AIG1: variants seen among roughly 807,000 people sequenced by gnomAD.
The protein encoded by AIG1 is androgen induced 1, also known as androgen-induced gene 1 protein.
AIG1 carries 23 observed loss-of-function variants against 31.4 expected under a neutral mutation model. That is an observed-to-expected ratio of 0.73 (90% confidence interval 0.53 to 1.04). AIG1 has a LOEUF of 1.04. AIG1 is among the 50% of genes least tolerant of loss of function. The pLI is 0.00. For synonymous variants in AIG1, 100 were observed against 110.5 expected, an observed-to-expected ratio of 0.90 and a Z score of 0.60; for missense variants, 274 against 295.0, an observed-to-expected ratio of 0.93 and a Z score of 0.52.
intron 3 of AIG1, among the ~76,000 whole-genome samples, chr6:143,219,807 A>C (rs1464355149): frequency 6.6e-6 from 1 of 152,316 alleles, no homozygotes; most frequent in Middle Eastern, 3.4e-3. Context: ...AGGTTAGATT[A>C]GCAGAGTAGC....
intron 3 of AIG1, among the ~76,000 whole-genome samples, chr6:143,255,826 A>G (rs375452582): frequency 2.0e-5 from 3 of 152,336 alleles, no homozygotes; most frequent in Admixed American, 2.0e-4. Context: ...GTGATGTTAT[A>G]TGCTAATCCT....
intron 1 of AIG1, among the ~76,000 whole-genome samples, chr6:143,098,084 T>C (rs1779951773): frequency 2.6e-5 from 4 of 152,166 alleles, no homozygotes; most frequent in Admixed American, 2.0e-4. Context: ...AAAATAAAAT[T>C]TGTCTTTGTC....
chr6:143,063,082 A>G (rs1286540532), intron 1 of AIG1, among the ~76,000 whole-genome samples: 7 of 152,218 alleles, frequency 4.6e-5, no homozygotes, highest in Non-Finnish European at 1.0e-4. Flanking sequence ...CATAATTAGC[A>G]TTGCTTACTG....
At chr6:143,310,636 A>T (rs989022808) in intron 4 of AIG1, among the ~76,000 whole-genome samples, 27 of 148,024 alleles carry the variant, frequency 1.8e-4, no homozygotes, top group East Asian at 6.5e-4. Flanking sequence ...AATAAAATTT[A>T]AAAAAAAACA....
At chr6:143,222,416 A>G (rs564191133) in intron 3 of AIG1, among the ~76,000 whole-genome samples, 1 of 151,658 alleles carries the variant, frequency 6.6e-6, no homozygotes, top group South Asian at 2.1e-4. Flanking sequence ...TTGTTGTTTT[A>G]TGTCAATTCG....
intron 1 of AIG1, among the ~76,000 whole-genome samples, chr6:143,132,068 T>A (rs1410386559): frequency 6.6e-6 from 1 of 152,252 alleles, no homozygotes; most frequent in Non-Finnish European, 1.5e-5. Flanking sequence ...TTGTCCTTGG[T>A]GCTGTTGTTA....
intron 3 of AIG1, among the ~76,000 whole-genome samples, chr6:143,222,393 T>G (rs1381988128): frequency 6.6e-6 from 1 of 151,806 alleles, no homozygotes; most frequent in African/African-American, 2.4e-5. Flanking sequence ...ATCTGGTTTT[T>G]TTTTTGTTGT....
chr6:143,161,865 C>A (rs1240152742), intron 2 of AIG1, among the ~76,000 whole-genome samples: 1 of 152,012 alleles, frequency 6.6e-6, no homozygotes, highest in Non-Finnish European at 1.5e-5. Flanking sequence ...GAAAGACTGA[C>A]CACTTTCCCT....
chr6:143,106,712 C>CT (rs1480720608), intron 1 of AIG1, among the ~76,000 whole-genome samples: 1 of 152,178 alleles, frequency 6.6e-6, no homozygotes, highest in Non-Finnish European at 1.5e-5. Flanking sequence ...TTTGGGGTGA[C>CT]TTCCCTGTGT....
At chr6:143,171,326 A>C (rs962061161) in intron 3 of AIG1, among the ~76,000 whole-genome samples, 4 of 148,442 alleles carry the variant, frequency 2.7e-5, no homozygotes, top group Non-Finnish European at 5.9e-5. Flanking sequence ...TTCACTTAGA[A>C]TGATGGTTTC....
At chr6:143,270,150 G>T (rs1562542566) in intron 3 of AIG1, among the ~76,000 whole-genome samples, 2 of 152,114 alleles carry the variant, frequency 1.3e-5, no homozygotes, top group African/African-American at 4.8e-5. Context: ...GTCCAGAAGG[G>T]CTCCAGTTGG....
intron 1 of AIG1, among the ~76,000 whole-genome samples, chr6:143,108,657 A>T (rs888960059): frequency 6.6e-6 from 1 of 152,174 alleles, no homozygotes; most frequent in Admixed American, 6.5e-5. Flanking sequence ...TATATGTGGG[A>T]TGCATGTAGG....
chr6:143,270,910 C>T (rs569046114), intron 3 of AIG1, among the ~76,000 whole-genome samples: 8 of 152,174 alleles, frequency 5.3e-5, no homozygotes, highest in Admixed American at 2.6e-4. Context: ...AGTATATAGG[C>T]TTGCATGTCG....
intron 1 of AIG1, among the ~76,000 whole-genome samples, chr6:143,112,630 A>G (rs1203279789): frequency 1.3e-5 from 2 of 152,218 alleles, no homozygotes; most frequent in African/African-American, 2.4e-5. Flanking sequence ...TTTTTAAAAC[A>G]TGGAAGATAG....
chr6:143,334,097 C>T lies in AIG1; in HGVS notation c.679+652C>T, dbSNP rs1378326490. 1.6e-5 allele frequency: 25 copies of T among 1,550,306 alleles called. No individual in the cohort carries two copies. On this transcript the variant is annotated intron_variant, in intron 5 of 5. Coordinates refer to ENST00000357847, the MANE Select transcript of AIG1 (RefSeq NM_016108.4). This position sits in a 1 kb window ranked among gnomAD's most constrained non-coding sequence, Gnocchi z 5.1. Reference sequence around the variant, plus strand: ...TGGCAGAGCCTCCATCTTGGCAAGGCACGTAATCTTATCCAAGCTGTGCAA... The same window carrying T: ...TGGCAGAGCCTCCATCTTGGCAAGGTACGTAATCTTATCCAAGCTGTGCAA...
At chr6:143,168,681 T>G (rs1373201666) in intron 3 of AIG1, among the ~76,000 whole-genome samples, 1 of 151,978 alleles carries the variant, frequency 6.6e-6, no homozygotes, top group Non-Finnish European at 1.5e-5. Flanking sequence ...TATGAACATG[T>G]AGTCCTAGCT....
intron 1 of AIG1, among the ~76,000 whole-genome samples, chr6:143,065,006 G>A (rs1017034760): frequency 6.6e-6 from 1 of 152,198 alleles, no homozygotes; most frequent in African/African-American, 2.4e-5. Flanking sequence ...AGCAGAGAAG[G>A]GGGTGACAAG....
At chr6:143,254,773 G>C (rs749502493) in intron 3 of AIG1, among the ~76,000 whole-genome samples, 1 of 152,168 alleles carries the variant, frequency 6.6e-6, no homozygotes, top group Non-Finnish European at 1.5e-5. Context: ...TAGCAAGCGT[G>C]GTGGCCAAGA....
At chr6:143,194,147 G>A (rs1790023861) in intron 3 of AIG1, among the ~76,000 whole-genome samples, 1 of 152,178 alleles carries the variant, frequency 6.6e-6, no homozygotes, top group Non-Finnish European at 1.5e-5. Context: ...ATTTATAAAG[G>A]AAAGAGATTT....
Sources: allele counts gnomAD v4.1 joint callset (sites outside exome capture counted in the v4.1 genomes callset), GRCh38; gene constraint gnomAD v4.1.1; non-coding constraint Gnocchi (gnomAD v3.1); transcripts MANE v1.5; gene names NCBI Gene and HGNC (gene_info 2026-07-23, HGNC 2026-07-21).